Variants in ACER3 observed in about 807,000 individuals in gnomAD.
ACER3 encodes alkCDase 3.
A neutral mutation model predicts 48.9 loss-of-function variants in ACER3; 16 were observed. That is an observed-to-expected ratio of 0.33 (90% CI 0.22 to 0.50). The LOEUF (loss-of-function observed/expected upper bound fraction) is 0.50. Among genes scored for constraint, ACER3 ranks in the 20% least tolerant of loss-of-function variants. The pLI, the probability that ACER3 is intolerant of heterozygous loss-of-function variation, is 0.98. For missense variants in ACER3, 227 were observed against 326.0 expected (o/e 0.70, Z 2.34); for synonymous variants, 109 against 107.8 (o/e 1.01, Z -0.07).
At chr11:76,948,312 A>G (rs771675611) in intron 2 of ACER3, among the ~76,000 whole-genome samples, 7 of 151,240 alleles carry the variant, frequency 4.6e-5, no homozygotes, top group Non-Finnish European at 8.8e-5. Flanking sequence ...TAACAGATAA[A>G]TTAGAGAATG....
At chr11:76,932,393 A>G (rs1313006999) in intron 2 of ACER3, among the ~76,000 whole-genome samples, 1 of 152,186 alleles carries the variant, frequency 6.6e-6, no homozygotes, top group Admixed American at 6.5e-5. Context: ...TAGATTATTT[A>G]TTAGATATGA....
chr11:76,925,839 C>T (rs1301321914), intron 1 of ACER3, among the ~76,000 whole-genome samples: 1 of 152,166 alleles, frequency 6.6e-6, no homozygotes, highest in African/African-American at 2.4e-5. Flanking sequence ...TGCTGAAAAT[C>T]ATTCTTTTGA....
Position 76,948,518 on chromosome 11 carries a change from C to T in ACER3, c.215-10461C>T, listed in dbSNP as rs1190835564. Among the ~76,000 whole-genome samples the T allele has an allele frequency of 2.0e-5, 3 of 152,106 alleles. No homozygotes were observed. In the East Asian group the frequency reaches 5.8e-4, roughly 29 times the overall value. On this transcript the variant is annotated intron_variant, in intron 2 of 10. Transcript: ENST00000532485. ...GTTTCTATTGTGAATGCTATCTTCA[C>T]TTGGAAAGCTACAGCCATGCATGCC...
chr11:76,920,859 G>A (rs1207140526), intron 1 of ACER3, among the ~76,000 whole-genome samples: 7 of 151,822 alleles, frequency 4.6e-5, no homozygotes, highest in Non-Finnish European at 1.0e-4. Flanking sequence ...GGCTGGTGTC[G>A]AACTCCTGGG....
At chr11:76,904,141 C>T (rs909455658) in intron 1 of ACER3, among the ~76,000 whole-genome samples, 5 of 152,076 alleles carry the variant, frequency 3.3e-5, no homozygotes, top group Non-Finnish European at 7.4e-5. Flanking sequence ...CACACACCAC[C>T]AAACCCAGCT....
chr11:76,866,017 G>T (rs1460977465), intron 1 of ACER3, among the ~76,000 whole-genome samples: 60 of 150,426 alleles, frequency 4.0e-4, no homozygotes, highest in Admixed American at 3.8e-3. Context: ...GTAGAGATGG[G>T]GTTTCACCAT....
intron 1 of ACER3, among the ~76,000 whole-genome samples, chr11:76,901,785 C>T (rs1372470948): frequency 6.6e-6 from 1 of 152,162 alleles, no homozygotes; most frequent in East Asian, 1.9e-4. Context: ...CTTTTCTATA[C>T]AATGTCTGTA....
At chr11:76,884,280 T>A (rs982979499) in intron 1 of ACER3, among the ~76,000 whole-genome samples, 2 of 152,166 alleles carry the variant, frequency 1.3e-5, no homozygotes, top group African/African-American at 4.8e-5. Context: ...AAATACTTCC[T>A]CCAGAAAGCT....
At position 77,020,306 on chromosome 11, in the gene ACER3, T is replaced by G. The variant is rs1236139673; in HGVS notation, c.783T>G (p.Phe261Leu). The G allele has an allele frequency of 1.2e-6, 2 of 1,613,678 alleles. No individual in the cohort carries two copies. The highest frequency in any genetic ancestry group is 1.7e-6 in the Non-Finnish European group (2 of 1,179,956). The change falls in exon 11 of 11, where the codon TTT becomes TTG. Residue 261 changes from phenylalanine to leucine, a missense_variant. Phe to Leu is a conservative substitution (Grantham distance 22, BLOSUM62 0). Transcript: ENST00000532485. ...FLFGIWPVIL[F>L]EPLRKH ...TTGGAATCTGGCCAGTGATCCTGTT[T>G]GAGCCTCTCAGGAAGCATTGATGAA...
At position 76,883,483 on chromosome 11, in the gene ACER3, C is replaced by T. The variant is rs1245158106; in HGVS notation, c.103+22404C>T. On this transcript the variant is annotated intron_variant, in intron 1 of 10. Transcript: ENST00000532485. ...TGAGACAGAGTCTCACTCTGTCGCC[C>T]AGGCTGGAATGCAGTAGCACGATCT... Among the ~76,000 whole-genome samples the T allele has an allele frequency of 5.0e-5, 7 of 139,076 alleles. No individual in the cohort carries two copies. In the East Asian group the frequency reaches 1.5e-3, roughly 30 times the overall value. 91.2% of individuals were successfully genotyped at this position (139,076 alleles called of 152,430 possible). A position where few individuals can be genotyped will look rare whatever the true frequency, so the allele number is the denominator to read the frequency against.
chr11:76,899,194 C>T (rs1220216517), intron 1 of ACER3, among the ~76,000 whole-genome samples: 1 of 152,084 alleles, frequency 6.6e-6, no homozygotes, highest in African/African-American at 2.4e-5. Flanking sequence ...TATAATAGCC[C>T]ATATCTATTG....
At chr11:76,868,378 TCTCTC>T in intron 1 of ACER3, 1 of 382,156 alleles carries the variant, frequency 2.6e-6, no homozygotes, top group South Asian at 2.6e-5. Flanking sequence ...TTTTAATATC[TCTCTC>T]TCTCTCTCTG....
rs559121999 is a variant in ACER3 at position 77,013,771 on chromosome 11, T to A, written c.498-1245T>A. Among the ~76,000 whole-genome samples, 92 of 152,342 alleles carry A rather than the reference T, an allele frequency of 6.0e-4. 1 individual carries two copies. The highest frequency in any genetic ancestry group is 2.7e-3 in the Admixed American group (42 of 15,304). On this transcript the variant is annotated intron_variant, in intron 7 of 10. Coordinates refer to ENST00000532485, the MANE Select transcript of ACER3 (RefSeq NM_018367.7). Reference sequence around the variant, plus strand: ...TAAAACATATGTCTATATAAAGTGTTATTTGTGAATGTTCATAGCTGCTTT... The same window carrying A: ...TAAAACATATGTCTATATAAAGTGTAATTTGTGAATGTTCATAGCTGCTTT...
At chr11:76,931,530 G>C (rs7946244) in intron 2 of ACER3, among the ~76,000 whole-genome samples, 14 of 152,254 alleles carry the variant, frequency 9.2e-5, no homozygotes, top group Non-Finnish European at 1.6e-4. Flanking sequence ...GGTTATTTTG[G>C]TCGTTAGTTG....
intron 5 of ACER3, among the ~76,000 whole-genome samples, chr11:76,985,965 A>G (rs548000735): frequency 4.6e-5 from 7 of 152,336 alleles, no homozygotes; most frequent in African/African-American, 1.7e-4. Context: ...AAAAGCAAAT[A>G]TTTAGTAGCA....
chr11:76,902,372 A>G (rs1946102994), intron 1 of ACER3, among the ~76,000 whole-genome samples: 1 of 152,176 alleles, frequency 6.6e-6, no homozygotes, highest in South Asian at 2.1e-4. Context: ...GGACCCACAT[A>G]AAAGCTGCAT....
chr11:76,861,161 C>A, intron 1 of ACER3, 82 bp downstream of exon 1: 6 of 1,367,506 alleles, frequency 4.4e-6, no homozygotes, highest in Non-Finnish European at 6.0e-6. Context: ...AAAGAGCGAA[C>A]CTGGCCGCGA....
chr11:77,016,868 A>C, intron 9 of ACER3, 89 bp downstream of exon 9: 1 of 613,040 alleles, frequency 1.6e-6, no homozygotes, highest in South Asian at 3.1e-5. Context: ...ATATTTTTAA[A>C]ACACTAGAAA....
chr11:76,958,340 C>G (rs565621835), intron 2 of ACER3, among the ~76,000 whole-genome samples: 2 of 151,576 alleles, frequency 1.3e-5, no homozygotes, highest in Non-Finnish European at 2.9e-5. Flanking sequence ...GGGCCTGCCA[C>G]CATGACCAGC....
Sources: gnomAD v4.1 joint callset for allele counts (sites outside exome capture counted in the v4.1 genomes callset) on GRCh38, gnomAD v4.1.1 for gene constraint, MANE v1.5 for transcripts, NCBI Gene and HGNC (gene_info 2026-07-23, HGNC 2026-07-21) for gene names.